The following LRRC8D variants were observed in gnomAD, a reference collection of about 807,000 sequenced individuals.
LRRC8D encodes volume-regulated anion channel subunit LRRC8D.
A neutral mutation model predicts 55.8 loss-of-function variants in LRRC8D; 20 were observed. That is an observed-to-expected ratio of 0.36 (90% CI 0.25 to 0.52). The LOEUF is 0.52. Among genes scored for constraint, LRRC8D ranks in the 20% least tolerant of loss-of-function variants. LRRC8D has a pLI of 0.93. For synonymous variants in LRRC8D, 352 were observed against 377.0 expected (o/e 0.93, Z 0.77); for missense variants, 651 against 1,030.8 (o/e 0.63, Z 5.05).
rs1663848770 is a variant in LRRC8D at position 89,936,084 on chromosome 1, C to G, written c.*439C>G. 5.8e-6 allele frequency: 1 copy of G among 171,002 alleles called. No homozygotes were observed. The highest frequency in any genetic ancestry group is 2.4e-5 in the African/African-American group (1 of 41,464). 10.6% of individuals were successfully genotyped at this position (171,002 alleles called of 1,614,324 possible). ...CTCCGTTCACTAAAGACAAACACATCAAGTCCAAACTTGTAAATTTAGATT... is the reference window on the plus strand; with the variant it reads ...CTCCGTTCACTAAAGACAAACACATGAAGTCCAAACTTGTAAATTTAGATT... On this transcript the variant is annotated 3_prime_UTR_variant, in exon 3 of 3. Coordinates refer to ENST00000337338, the MANE Select transcript of LRRC8D (RefSeq NM_001134479.2).
chr1:89,871,280 A>G (rs961872078), intron 2 of LRRC8D, among the ~76,000 whole-genome samples: 1 of 152,204 alleles, frequency 6.6e-6, no homozygotes, highest in African/African-American at 2.4e-5. Context: ...GGGCAATGTA[A>G]CAAAGTTTGT....
At chr1:89,917,124 A>G (rs1663292068) in intron 2 of LRRC8D, among the ~76,000 whole-genome samples, 1 of 152,222 alleles carries the variant, frequency 6.6e-6, no homozygotes, top group Admixed American at 6.5e-5. Context: ...GCTCTATAAT[A>G]GAGACTCTAG....
chr1:89,879,612 T>G (rs1462242804), intron 2 of LRRC8D, among the ~76,000 whole-genome samples: 1 of 152,260 alleles, frequency 6.6e-6, no homozygotes, highest in African/African-American at 2.4e-5. Context: ...AATTTCTTTT[T>G]TCTTAAATCA....
At chr1:89,869,372 A>T (rs755428385) in intron 2 of LRRC8D, among the ~76,000 whole-genome samples, 1 of 152,244 alleles carries the variant, frequency 6.6e-6, no homozygotes, top group Non-Finnish European at 1.5e-5. Flanking sequence ...GATCAGGATC[A>T]ACTTAATGAA....
chr1:89,928,653 G>C (rs1663627182), intron 2 of LRRC8D, among the ~76,000 whole-genome samples: 1 of 152,128 alleles, frequency 6.6e-6, no homozygotes, highest in African/African-American at 2.4e-5. Flanking sequence ...TGAAGTTACA[G>C]TACTCTGTAC....
Position 89,843,626 on chromosome 1 carries a change from G to A in LRRC8D, c.-147-12G>A. On this transcript the variant is annotated splice_polypyrimidine_tract_variant and intron_variant, in intron 1 of 2. Coordinates refer to ENST00000337338, the MANE Select transcript of LRRC8D (RefSeq NM_001134479.2). Reference sequence around the variant, plus strand: ...CTCTCTAGCTCTTTCTCTCCCCTGTGTTTTCAAACAGGAAGTGCACGGCTG... The same window carrying A: ...CTCTCTAGCTCTTTCTCTCCCCTGTATTTTCAAACAGGAAGTGCACGGCTG... 1 of 702,006 alleles carries A rather than the reference G, an allele frequency of 1.4e-6. No individual in the cohort carries two copies. Among genetic ancestry groups the A allele is most frequent in the Admixed American group, 2.0e-5 (1 of 49,940 alleles). The allele number at this position is 702,006 out of a possible 1,614,324, so 43.5% of individuals were successfully genotyped here.
At chr1:89,887,370 C>A (rs1393218638) in intron 2 of LRRC8D, among the ~76,000 whole-genome samples, 3 of 152,158 alleles carry the variant, frequency 2.0e-5, no homozygotes, top group African/African-American at 7.2e-5. Flanking sequence ...AACTCTGGTT[C>A]ATTTAGTAGT....
intron 2 of LRRC8D, among the ~76,000 whole-genome samples, chr1:89,886,054 G>A (rs1395997769): frequency 2.0e-5 from 3 of 152,146 alleles, no homozygotes; most frequent in Admixed American, 2.0e-4. Flanking sequence ...AAAGTTAAGG[G>A]GTGAGAGTGG....
intron 2 of LRRC8D, among the ~76,000 whole-genome samples, chr1:89,871,582 G>A (rs1425938929): frequency 2.0e-5 from 3 of 152,090 alleles, no homozygotes; most frequent in Non-Finnish European, 2.9e-5. Flanking sequence ...GGTCTCTGAC[G>A]GTAATAGATG....
chr1:89,911,469 T>A lies in LRRC8D; in HGVS notation c.-2-21598T>A, dbSNP rs1240191957. On this transcript the variant is annotated intron_variant, in intron 2 of 2. Transcript: ENST00000337338. The surrounding 1 kb of genome is among the most constrained non-coding windows in gnomAD (Gnocchi z 4.0). Reference sequence around the variant, plus strand: ...TCCTTGTCGAAATGTGTTTGTATAATTTGACTTTATGTTCAAAATAAGAAA... The same window carrying A: ...TCCTTGTCGAAATGTGTTTGTATAAATTGACTTTATGTTCAAAATAAGAAA... Among the ~76,000 whole-genome samples the A allele has an allele frequency of 3.3e-5, 5 of 152,182 alleles. No homozygotes were observed. The highest frequency in any genetic ancestry group is 7.3e-5 in the Non-Finnish European group (5 of 68,036).
intron 2 of LRRC8D, among the ~76,000 whole-genome samples, chr1:89,851,253 G>A (rs904879091): frequency 3.3e-5 from 5 of 151,890 alleles, no homozygotes; most frequent in Non-Finnish European, 5.9e-5. Flanking sequence ...GTTTTATGAG[G>A]TGTGATGCTT....
intron 1 of LRRC8D, among the ~76,000 whole-genome samples, chr1:89,842,478 T>G (rs984823646): frequency 2.0e-5 from 3 of 152,262 alleles, no homozygotes; most frequent in African/African-American, 7.2e-5. Flanking sequence ...GCTTAATATC[T>G]ATCCGTTCCT....
At chr1:89,860,785 A>AAAAAAAAT (rs1553123917) in intron 2 of LRRC8D, among the ~76,000 whole-genome samples, 8 of 28,190 alleles carry the variant, frequency 2.8e-4, no homozygotes, top group Non-Finnish European at 5.8e-4. Context: ...AAAAAAAAAA[A>AAAAAAAAT]ATATATATAT....
intron 2 of LRRC8D, among the ~76,000 whole-genome samples, chr1:89,854,314 G>A (rs1661496905): frequency 6.6e-6 from 1 of 152,178 alleles, no homozygotes; most frequent in Non-Finnish European, 1.5e-5. Flanking sequence ...TTTAGGATGA[G>A]TGATAGCTGT....
chr1:89,883,469 G>A (rs1239932160), intron 2 of LRRC8D, among the ~76,000 whole-genome samples: 1 of 152,152 alleles, frequency 6.6e-6, no homozygotes, highest in Admixed American at 6.5e-5. Context: ...GCAGGATCAC[G>A]ACCAGATGGT....
At chr1:89,860,985 T>C (rs1056155538) in intron 2 of LRRC8D, among the ~76,000 whole-genome samples, 4 of 151,774 alleles carry the variant, frequency 2.6e-5, no homozygotes, top group Admixed American at 6.6e-5. Context: ...AGACATACTT[T>C]AGGTTAATGC....
chr1:89,899,436 C>T (rs1015144913), intron 2 of LRRC8D, among the ~76,000 whole-genome samples: 3 of 152,330 alleles, frequency 2.0e-5, no homozygotes, highest in Admixed American at 2.0e-4. Flanking sequence ...ACAGTGTTGG[C>T]AGTTAACCAG....
intron 2 of LRRC8D, among the ~76,000 whole-genome samples, chr1:89,923,720 G>A (rs762902198): frequency 1.3e-5 from 2 of 152,190 alleles, no homozygotes; most frequent in Non-Finnish European, 2.9e-5. Flanking sequence ...GCATGGTACT[G>A]ATACAAAAGC....
At chr1:89,893,293 C>T (rs759672174) in intron 2 of LRRC8D, among the ~76,000 whole-genome samples, 15 of 152,140 alleles carry the variant, frequency 9.9e-5, no homozygotes, top group Non-Finnish European at 2.1e-4. Flanking sequence ...TCCTGAGATA[C>T]AGGTGAGCTT....
Sources: gnomAD v4.1 joint callset for allele counts (sites outside exome capture counted in the v4.1 genomes callset) on GRCh38, gnomAD v4.1.1 for gene constraint, Gnocchi (gnomAD v3.1) non-coding constraint, MANE v1.5 for transcripts, NCBI Gene and HGNC (gene_info 2026-07-23, HGNC 2026-07-21) for gene names.